PTPRD: variants seen among roughly 807,000 people sequenced by gnomAD.
PTPRD encodes the protein receptor-type tyrosine-protein phosphatase delta.
A neutral mutation model predicts 214.5 loss-of-function variants in PTPRD; 34 were observed. That is an observed-to-expected ratio of 0.16 (90% CI 0.12 to 0.21). The LOEUF (loss-of-function observed/expected upper bound fraction) is 0.21. Among genes scored for constraint, PTPRD ranks in the 10% least tolerant of loss-of-function variants. The pLI is 1.00. For synonymous variants in PTPRD, 1,128 were observed against 845.7 expected (o/e 1.33, Z -5.79); for missense variants, 2,545 against 2,398.7 (o/e 1.06, Z -1.27).
intron 3 of PTPRD, among the ~76,000 whole-genome samples, chr9:10,097,820 T>G (rs2098507217): frequency 6.6e-6 from 1 of 151,826 alleles, no homozygotes; most frequent in Non-Finnish European, 1.5e-5. Flanking sequence ...TTGTGCCAGT[T>G]TTCAAAGGGA....
intron 39 of PTPRD, among the ~76,000 whole-genome samples, chr9:8,371,260 C>G (rs1463120131): frequency 3.3e-5 from 5 of 152,020 alleles, no homozygotes; most frequent in Non-Finnish European, 2.9e-5. Context: ...AAAACACAAA[C>G]CAAAAAAATC....
In PTPRD at chr9:8,505,624, C is replaced by CAAAA. The variant is rs954059567; in HGVS notation, c.1678-1223_1678-1220dup. ...GCGACAGAGTGAGGAGACTCTGTCTCAAAAAAAAAAAAAAAAAAAAAGAAG... is the reference window on the plus strand; with the variant it reads ...GCGACAGAGTGAGGAGACTCTGTCTCAAAAAAAAAAAAAAAAAAAAAAAAAGAAG... On this transcript the variant is annotated intron_variant, in intron 22 of 45. Coordinates refer to ENST00000381196, the MANE Select transcript of PTPRD (RefSeq NM_002839.4). Among the ~76,000 whole-genome samples the CAAAA allele has an allele frequency of 3.0e-3, 164 of 55,406 alleles. 1 individual carries two copies. The highest frequency in any genetic ancestry group is 0.011 in the African/African-American group (131 of 12,050). 36.3% of individuals were successfully genotyped at this position (55,406 alleles called of 152,430 possible). A position where few individuals can be genotyped will look rare whatever the true frequency, so the allele number is the denominator to read the frequency against.
At chr9:10,092,653 C>T (rs2098443853) in intron 3 of PTPRD, among the ~76,000 whole-genome samples, 1 of 151,296 alleles carries the variant, frequency 6.6e-6, no homozygotes, top group Non-Finnish European at 1.5e-5. Flanking sequence ...CAAGTCAATC[C>T]TATGCAAAAA....
intron 8 of PTPRD, among the ~76,000 whole-genome samples, chr9:9,543,105 G>A (rs1455319611): frequency 1.3e-5 from 2 of 151,520 alleles, no homozygotes; most frequent in African/African-American, 2.4e-5. Context: ...TTCATACAAC[G>A]AAATACCGCT....
intron 9 of PTPRD, among the ~76,000 whole-genome samples, chr9:9,314,793 C>G (rs964058712): frequency 6.6e-6 from 1 of 152,036 alleles, no homozygotes; most frequent in African/African-American, 2.4e-5. Flanking sequence ...TAAAATATCT[C>G]TAGAGCTATT....
At chr9:8,819,086 T>C (rs1326164618) in intron 11 of PTPRD, among the ~76,000 whole-genome samples, 2 of 152,126 alleles carry the variant, frequency 1.3e-5, no homozygotes, top group Admixed American at 6.6e-5. Context: ...ACTTTCAAAA[T>C]TAAAAACATA....
At chr9:10,455,435 G>C (rs185051158) in intron 2 of PTPRD, among the ~76,000 whole-genome samples, 330 of 151,652 alleles carry the variant, frequency 2.2e-3, no homozygotes, top group African/African-American at 6.4e-3. Flanking sequence ...TATATTTCTT[G>C]TCTTAACCTA....
chr9:9,238,108 A>G (rs2099968119), intron 9 of PTPRD, among the ~76,000 whole-genome samples: 1 of 152,090 alleles, frequency 6.6e-6, no homozygotes. Flanking sequence ...TGAAGGAGAC[A>G]TCCTGTGACA....
intron 3 of PTPRD, among the ~76,000 whole-genome samples, chr9:10,278,777 G>A (rs572990169): frequency 2.8e-5 from 4 of 144,958 alleles, no homozygotes; most frequent in African/African-American, 9.9e-5. Context: ...TTTTTGTTTT[G>A]TTTTGTTTTG....
At chr9:9,021,136 A>G (rs1316418877) in intron 10 of PTPRD, among the ~76,000 whole-genome samples, 7 of 152,308 alleles carry the variant, frequency 4.6e-5, no homozygotes, top group African/African-American at 1.7e-4. Context: ...TCTAAAGTAC[A>G]TCTCTTAAAT....
chr9:10,360,633 A>T (rs10959072), intron 2 of PTPRD, among the ~76,000 whole-genome samples: 20 of 152,274 alleles, frequency 1.3e-4, no homozygotes, highest in African/African-American at 3.6e-4. Flanking sequence ...AAGTTTTCTA[A>T]TATTTTTTTG....
intron 10 of PTPRD, among the ~76,000 whole-genome samples, chr9:9,137,370 A>G (rs928993132): frequency 2.6e-5 from 4 of 152,144 alleles, no homozygotes; most frequent in African/African-American, 9.7e-5. Flanking sequence ...AATTGAGTAG[A>G]TGCTATCAAA....
At chr9:8,921,812 T>C (rs994361003) in intron 11 of PTPRD, among the ~76,000 whole-genome samples, 3 of 152,158 alleles carry the variant, frequency 2.0e-5, no homozygotes, top group Non-Finnish European at 1.5e-5. Context: ...AATTTTGATG[T>C]GGTAAGTCCA....
At chr9:8,449,352 T>C (rs1018435815) in intron 34 of PTPRD, among the ~76,000 whole-genome samples, 6 of 151,942 alleles carry the variant, frequency 3.9e-5, no homozygotes, top group Non-Finnish European at 5.9e-5. Flanking sequence ...ATGAAAGATG[T>C]GTACAGTCAT....
At position 8,624,151 on chromosome 9, in the gene PTPRD, T is replaced by C. The variant is rs144237282; in HGVS notation, c.352+9166A>G. 4.3e-3 allele frequency among the ~76,000 whole-genome samples: 657 copies of C among 151,966 alleles called. 11 individuals carry two copies. Among genetic ancestry groups the C allele is most frequent in the Admixed American group, 0.03 (450 of 15,232 alleles). On this transcript the variant is annotated intron_variant, in intron 14 of 45. Coordinates refer to ENST00000381196, the MANE Select transcript of PTPRD (RefSeq NM_002839.4). ...CAATTGACTACCTGGACCTACCTAA[T>C]GTATAAGCATTCTGAAGAATATGGA...
chr9:10,535,518 CT>C (rs1196933060), intron 2 of PTPRD, among the ~76,000 whole-genome samples: 1 of 152,006 alleles, frequency 6.6e-6, no homozygotes, highest in South Asian at 2.1e-4. Context: ...CAAAAATGCA[CT>C]TTGCTAATGG....
intron 11 of PTPRD, among the ~76,000 whole-genome samples, chr9:8,857,407 C>T (rs895817171): frequency 6.6e-6 from 1 of 152,152 alleles, no homozygotes; most frequent in East Asian, 1.9e-4. Flanking sequence ...GCCTCTCTCC[C>T]GGGTCTGAGG....
chr9:10,088,196 T>C (rs559233114), intron 3 of PTPRD, among the ~76,000 whole-genome samples: 1 of 151,804 alleles, frequency 6.6e-6, no homozygotes, highest in Non-Finnish European at 1.5e-5. Flanking sequence ...GGCTAGATTA[T>C]ATCTTCATGA....
chr9:10,604,558 G>C (rs2133506736), intron 2 of PTPRD, among the ~76,000 whole-genome samples: 1 of 151,934 alleles, frequency 6.6e-6, no homozygotes, highest in South Asian at 2.1e-4. Context: ...TATACTGCAA[G>C]AAAGCCTTGT....
Sources: gnomAD v4.1 joint callset for allele counts (sites outside exome capture counted in the v4.1 genomes callset) on GRCh38, gnomAD v4.1.1 for gene constraint, MANE v1.5 for transcripts, NCBI Gene and HGNC (gene_info 2026-07-23, HGNC 2026-07-21) for gene names.